The following SPATA16 variants were observed in gnomAD, a reference collection of about 807,000 sequenced individuals.
The protein encoded by SPATA16 is spermatogenesis-associated protein 16.
SPATA16 carries 36 observed loss-of-function variants against 63.3 expected under a neutral mutation model. That is an observed-to-expected ratio of 0.57 (90% confidence interval 0.44 to 0.75). SPATA16 has a LOEUF of 0.75. Ranked by LOEUF, SPATA16 falls within the 30% of genes least tolerant of loss-of-function variation. The pLI, the probability that SPATA16 is intolerant of heterozygous loss-of-function variation, is 0.00. For missense variants in SPATA16, 646 were observed against 679.3 expected (o/e 0.95, Z 0.54); for synonymous variants, 203 against 216.7 (o/e 0.94, Z 0.56).
At chr3:172,920,953 A>G (rs1281050862) in intron 8 of SPATA16, among the ~76,000 whole-genome samples, 1 of 151,888 alleles carries the variant, frequency 6.6e-6, no homozygotes, top group Non-Finnish European at 1.5e-5. Flanking sequence ...TTCCAAGCCC[A>G]TTTTCATTAA....
Position 173,130,091 on chromosome 3 carries a change from G to A in SPATA16, c.-19+11012C>T, listed in dbSNP as rs182691279. ...ACAAATCCTATAATCGCCCGGGCGC[G>A]GTGGCTCAAGCCTGTAATCCCAGCA... On this transcript the variant is annotated intron_variant, in intron 1 of 10. Coordinates refer to ENST00000351008, the MANE Select transcript of SPATA16 (RefSeq NM_031955.6). Among the ~76,000 whole-genome samples, 3 of 152,156 alleles carry A rather than the reference G, an allele frequency of 2.0e-5. 1 individual carries two copies. Among genetic ancestry groups the A allele is most frequent in the East Asian group, 1.9e-4 (1 of 5,174 alleles).
rs151098213 is a variant in SPATA16 at position 172,979,028 on chromosome 3, G to C, written c.849-1976C>G. Among the ~76,000 whole-genome samples the C allele has an allele frequency of 7.7e-3, 1,176 of 152,272 alleles. 12 individuals carry two copies. Among genetic ancestry groups the C allele is most frequent in the African/African-American group, 0.027 (1,123 of 41,550 alleles). ...CGAGGTCGGCGGATCATGAGGTCAGGAGATCGAGACCATCCTGGCTAACAC... is the reference window on the plus strand; with the variant it reads ...CGAGGTCGGCGGATCATGAGGTCAGCAGATCGAGACCATCCTGGCTAACAC... On this transcript the variant is annotated intron_variant, in intron 4 of 10. Coordinates refer to ENST00000351008, the MANE Select transcript of SPATA16 (RefSeq NM_031955.6).
At chr3:172,895,988 A>ATTT (rs368227171) in intron 10 of SPATA16, among the ~76,000 whole-genome samples, 14,574 of 148,856 alleles carry the variant, frequency 0.098, 778 homozygotes, top group African/African-American at 0.14. Flanking sequence ...TGCATATTTA[A>ATTT]TTTTTTTTTT....
At chr3:173,014,777 G>A (rs1322464321) in intron 4 of SPATA16, among the ~76,000 whole-genome samples, 1 of 152,158 alleles carries the variant, frequency 6.6e-6, no homozygotes, top group East Asian at 1.9e-4. Context: ...TATGGCCGGT[G>A]TGCTTGTGAA....
chr3:173,071,890 G>A (rs13315291), intron 2 of SPATA16, among the ~76,000 whole-genome samples: 28,373 of 152,110 alleles, frequency 0.19, 3,015 homozygotes, highest in African/African-American at 0.29. Context: ...AGTGAGAATG[G>A]CAATTTTTAA....
intron 1 of SPATA16, among the ~76,000 whole-genome samples, chr3:173,135,924 C>T (rs1169304871): frequency 6.6e-6 from 1 of 152,150 alleles, no homozygotes; most frequent in Non-Finnish European, 1.5e-5. Context: ...GTATGTTATG[C>T]ATCGATAAAA....
intron 5 of SPATA16, among the ~76,000 whole-genome samples, chr3:172,959,114 G>A (rs891408139): frequency 1.3e-5 from 2 of 152,114 alleles, no homozygotes; most frequent in African/African-American, 4.8e-5. Flanking sequence ...TAATCCTCCA[G>A]TTTGCTTCCA....
chr3:173,017,175 A>G (rs1285509760), intron 4 of SPATA16, among the ~76,000 whole-genome samples: 2 of 152,232 alleles, frequency 1.3e-5, no homozygotes, highest in East Asian at 3.8e-4. Flanking sequence ...ATTGCTAAAG[A>G]AACCAAGATG....
intron 2 of SPATA16, among the ~76,000 whole-genome samples, chr3:173,067,000 T>A (rs1249483897): frequency 6.9e-6 from 1 of 144,144 alleles, no homozygotes. Flanking sequence ...ATTCTGGAGC[T>A]GAAAAATTCA....
chr3:172,916,239 T>G (rs1471319422), intron 9 of SPATA16, 78 bp downstream of exon 9: 11 of 1,549,568 alleles, frequency 7.1e-6, no homozygotes, highest in Non-Finnish European at 9.7e-6. Flanking sequence ...GGATTTTTTT[T>G]TTTTTTTTTC....
chr3:173,125,025 A>T (rs1041103758), intron 1 of SPATA16, among the ~76,000 whole-genome samples: 1 of 152,340 alleles, frequency 6.6e-6, no homozygotes, highest in Admixed American at 6.5e-5. Context: ...TATACATTAT[A>T]CATCTTAAAT....
In SPATA16 at chr3:172,913,324, G is replaced by C. The variant is rs1237712454; in HGVS notation, c.1587+337C>G. 3.3e-5 allele frequency among the ~76,000 whole-genome samples: 5 copies of C among 152,084 alleles called. No homozygotes were observed. The East Asian group carries it at 9.6e-4, about 29-fold the overall frequency. ...AAGTGAAAAAAGTGGAAATATAGTT[G>C]AGGAGTGGACTAAAACACTGATGAA... On this transcript the variant is annotated intron_variant, in intron 10 of 10. Transcript: ENST00000351008.
At chr3:172,993,865 C>T (rs1197258357) in intron 4 of SPATA16, among the ~76,000 whole-genome samples, 1 of 152,088 alleles carries the variant, frequency 6.6e-6, no homozygotes, top group Non-Finnish European at 1.5e-5. Flanking sequence ...TCCCAGAAGA[C>T]AGTTGGGGGG....
At chr3:173,105,346 A>G (rs1398050502) in intron 2 of SPATA16, among the ~76,000 whole-genome samples, 1 of 152,220 alleles carries the variant, frequency 6.6e-6, no homozygotes, top group Non-Finnish European at 1.5e-5. Flanking sequence ...AGTGATAACC[A>G]TTAAAATTGT....
intron 1 of SPATA16, among the ~76,000 whole-genome samples, chr3:173,128,304 TTATA>T (rs1221195888): frequency 6.6e-6 from 1 of 152,192 alleles, no homozygotes. Flanking sequence ...GGTGCTGACT[TTATA>T]TATCCCTTTT....
intron 2 of SPATA16, among the ~76,000 whole-genome samples, chr3:173,076,586 A>G (rs911947030): frequency 6.6e-6 from 1 of 152,110 alleles, no homozygotes; most frequent in African/African-American, 2.4e-5. Context: ...ATAAGTCTAA[A>G]AAAATTATTT....
At chr3:172,966,720 A>T (rs929197690) in intron 5 of SPATA16, among the ~76,000 whole-genome samples, 1 of 152,220 alleles carries the variant, frequency 6.6e-6, no homozygotes, top group Non-Finnish European at 1.5e-5. Context: ...AGGAGAATTT[A>T]TTTTAATTGG....
chr3:172,974,496 A>G (rs889761716), intron 5 of SPATA16, among the ~76,000 whole-genome samples: 1 of 151,950 alleles, frequency 6.6e-6, no homozygotes, highest in Non-Finnish European at 1.5e-5. Flanking sequence ...GGCAGGGTTT[A>G]AAACCCCCTT....
intron 6 of SPATA16, among the ~76,000 whole-genome samples, chr3:172,930,326 C>G (rs571711746): frequency 3.9e-5 from 6 of 152,286 alleles, no homozygotes; most frequent in African/African-American, 1.4e-4. Flanking sequence ...ATGATTCTTA[C>G]ATTTTCTCTA....
Sources: gnomAD v4.1 joint callset for allele counts (sites outside exome capture counted in the v4.1 genomes callset) on GRCh38, gnomAD v4.1.1 for gene constraint, MANE v1.5 for transcripts, NCBI Gene and HGNC (gene_info 2026-07-23, HGNC 2026-07-21) for gene names.